Variants in MRPS6 observed in about 807,000 individuals in gnomAD.
MRPS6 encodes small ribosomal subunit protein bS6m.
In MRPS6, 6 loss-of-function variants were observed where a neutral mutation model predicts 13.1. The ratio of observed to expected loss-of-function variants is 0.46; its 90% CI spans 0.25 to 0.91. The LOEUF (loss-of-function observed/expected upper bound fraction) is 0.91, where lower values mean the gene tolerates loss of function less well. Among genes scored for constraint, MRPS6 ranks in the 40% least tolerant of loss-of-function variants. MRPS6 has a pLI of 0.18. For synonymous variants in MRPS6, 61 were observed against 56.5 expected, an observed-to-expected ratio of 1.08 and a Z score of -0.36; for missense variants, 164 against 155.6, an observed-to-expected ratio of 1.05 and a Z score of -0.29.
At chr21:34,135,639 T>G (rs1980668980) in intron 2 of MRPS6, 2 of 378,202 alleles carry the variant, frequency 5.3e-6, no homozygotes, top group African/African-American at 4.2e-5. Flanking sequence ...CCACAGCCTG[T>G]CATCTCACAG....
intron 2 of MRPS6, chr21:34,136,108 G>A (rs112152105): frequency 8.5e-4 from 171 of 201,198 alleles, no homozygotes; most frequent in African/African-American, 3.7e-3. Context: ...GTTACTTGGC[G>A]TGGACCTCGT....
At position 34,139,471 on chromosome 21, in the gene MRPS6, A is replaced by G. The variant is rs143211511; in HGVS notation, c.186-2937A>G. Among the ~76,000 whole-genome samples the G allele has an allele frequency of 5.2e-3, 798 of 152,320 alleles. 2 individuals are homozygous for G. The highest frequency in any genetic ancestry group is 8.0e-3 in the Admixed American group (123 of 15,296). On this transcript the variant is annotated intron_variant, in intron 2 of 2. Coordinates refer to ENST00000399312, the MANE Select transcript of MRPS6 (RefSeq NM_032476.4). Reference sequence around the variant, plus strand: ...TAGGGCTTAAGGGTTTAAACTACACATATTTCGTTAATAAGATATAGGGCC... The same window carrying G: ...TAGGGCTTAAGGGTTTAAACTACACGTATTTCGTTAATAAGATATAGGGCC...
chr21:34,098,181 A>G (rs1333168840), intron 1 of MRPS6: 1 of 999,752 alleles, frequency 1.0e-6, no homozygotes, highest in East Asian at 1.1e-4. Flanking sequence ...GGAAATGACC[A>G]GCCCCCTAAG....
chr21:34,121,565 T>C (rs1287385340), intron 1 of MRPS6, among the ~76,000 whole-genome samples: 1 of 152,140 alleles, frequency 6.6e-6, no homozygotes, highest in African/African-American at 2.4e-5. Context: ...GTTTCATTGA[T>C]GCATTTGGTA....
At chr21:34,085,257 CTGT>C (rs1978326482) in intron 1 of MRPS6, among the ~76,000 whole-genome samples, 1 of 152,128 alleles carries the variant, frequency 6.6e-6, no homozygotes, top group Non-Finnish European at 1.5e-5. Context: ...TTGGAGTTGA[CTGT>C]AGTTGCGTTT....
At chr21:34,121,794 G>T (rs1019295291) in intron 1 of MRPS6, among the ~76,000 whole-genome samples, 1 of 152,294 alleles carries the variant, frequency 6.6e-6, no homozygotes. Context: ...CTAAGCGTAA[G>T]AATTTTATTT....
intron 1 of MRPS6, among the ~76,000 whole-genome samples, chr21:34,116,692 G>C (rs1358517123): frequency 6.6e-6 from 1 of 152,122 alleles, no homozygotes; most frequent in African/African-American, 2.4e-5. Context: ...CTAGTGGCCA[G>C]AGCAGCCCCA....
intron 1 of MRPS6, chr21:34,098,229 C>T (rs1350038903): frequency 1.5e-5 from 15 of 998,830 alleles, no homozygotes; most frequent in African/African-American, 1.7e-5. Flanking sequence ...GATGATTACT[C>T]ATATATTCTG....
At chr21:34,076,289 TG>T (rs952559392) in intron 1 of MRPS6, among the ~76,000 whole-genome samples, 9 of 152,212 alleles carry the variant, frequency 5.9e-5, no homozygotes, top group African/African-American at 2.2e-4. Flanking sequence ...ACTTTTTTTT[TG>T]ACCCTAGCTT....
At chr21:34,135,688 C>T in intron 2 of MRPS6, 1 of 384,376 alleles carries the variant, frequency 2.6e-6, no homozygotes, top group Non-Finnish European at 5.2e-6. Context: ...CTCCTGGGGA[C>T]CACCATTGAT....
intron 1 of MRPS6, among the ~76,000 whole-genome samples, chr21:34,113,209 A>G (rs1421579465): frequency 1.3e-5 from 2 of 152,212 alleles, no homozygotes. Context: ...TAGGATGACC[A>G]TATGATCCAG....
intron 1 of MRPS6, chr21:34,097,519 A>T: frequency 1.4e-6 from 2 of 1,396,700 alleles, no homozygotes; most frequent in Non-Finnish European, 1.9e-6. Flanking sequence ...TTTCCCAGAG[A>T]TGGATTAAAG....
At chr21:34,101,548 G>C in intron 1 of MRPS6, 1 of 999,854 alleles carries the variant, frequency 1.0e-6, no homozygotes, top group South Asian at 4.7e-5. Context: ...ACCATTCAGA[G>C]AGACTGGTCT....
At chr21:34,077,571 TTATATA>T (rs532995311) in intron 1 of MRPS6, among the ~76,000 whole-genome samples, 1 of 151,814 alleles carries the variant, frequency 6.6e-6, no homozygotes. Flanking sequence ...AAGATAGCAT[TTATATA>T]TATATATCTT....
intron 1 of MRPS6, among the ~76,000 whole-genome samples, chr21:34,089,096 G>A (rs1388145012): frequency 3.3e-5 from 5 of 151,564 alleles, no homozygotes; most frequent in Non-Finnish European, 4.4e-5. Flanking sequence ...GTGTGATCTC[G>A]GCTCACTGCA....
chr21:34,099,315 G>A (rs1195663296), intron 1 of MRPS6: 16 of 1,000,094 alleles, frequency 1.6e-5, no homozygotes, highest in Non-Finnish European at 1.8e-5. Flanking sequence ...CTTTTGGGAA[G>A]AACAGAAACC....
In MRPS6 at chr21:34,096,680, A is replaced by G; in HGVS notation, c.45+22935A>G. 6.2e-7 allele frequency: 1 copy of G among 1,614,176 alleles called. No individual in the cohort carries two copies. The highest frequency in any genetic ancestry group is 8.5e-7 in the Non-Finnish European group (1 of 1,180,006). ...TACTGGCCTTTGCCTACCGTGCCCCAGAATGTGACCAACCTGATAATAGGC... is the reference window on the plus strand; with the variant it reads ...TACTGGCCTTTGCCTACCGTGCCCCGGAATGTGACCAACCTGATAATAGGC... On this transcript the variant is annotated intron_variant, in intron 1 of 2. Coordinates refer to ENST00000399312, the MANE Select transcript of MRPS6 (RefSeq NM_032476.4). The surrounding 1 kb of genome is among the most constrained non-coding windows in gnomAD (Gnocchi z 5.9).
intron 1 of MRPS6, chr21:34,098,413 G>C (rs1020567577): frequency 5.0e-6 from 5 of 999,942 alleles, no homozygotes; most frequent in Non-Finnish European, 6.0e-6. Context: ...ATTTTTAGAG[G>C]GAAAATTTAA....
At position 34,110,105 on chromosome 21, in the gene MRPS6, A is replaced by G. The variant is rs139531991; in HGVS notation, c.46-15236A>G. On this transcript the variant is annotated intron_variant, in intron 1 of 2. Transcript: ENST00000399312. ...CTACCAGAAGCACAGTTGGAGTTTTAAAGTTCTGCTTATTTCTAAGTGCTA... is the reference window on the plus strand; with the variant it reads ...CTACCAGAAGCACAGTTGGAGTTTTGAAGTTCTGCTTATTTCTAAGTGCTA... 4.0e-3 allele frequency among the ~76,000 whole-genome samples: 612 copies of G among 152,258 alleles called. 2 individuals carry two copies. Among genetic ancestry groups the G allele is most frequent in the Non-Finnish European group, 6.6e-3 (446 of 68,008 alleles).
Sources: allele counts gnomAD v4.1 joint callset (sites outside exome capture counted in the v4.1 genomes callset), GRCh38; gene constraint gnomAD v4.1.1; non-coding constraint Gnocchi (gnomAD v3.1); transcripts MANE v1.5; gene names NCBI Gene and HGNC (gene_info 2026-07-23, HGNC 2026-07-21).